The following PDZRN3 variants were observed in gnomAD, a reference collection of about 807,000 sequenced individuals.
PDZRN3 encodes E3 ubiquitin-protein ligase PDZRN3.
In PDZRN3, 38 loss-of-function variants were observed where a neutral mutation model predicts 85.7. The ratio of observed to expected loss-of-function variants is 0.44; its 90% confidence interval spans 0.34 to 0.58. PDZRN3 has a LOEUF of 0.58. PDZRN3 is among the 20% of genes least tolerant of loss of function. The pLI, the probability that PDZRN3 is intolerant of heterozygous loss-of-function variation, is 0.01. For synonymous variants in PDZRN3, 759 were observed against 638.0 expected, an observed-to-expected ratio of 1.19 and a Z score of -2.86; for missense variants, 1,629 against 1,506.4, an observed-to-expected ratio of 1.08 and a Z score of -1.35.
intron 3 of PDZRN3, among the ~76,000 whole-genome samples, chr3:73,599,322 T>A (rs1423555146): frequency 6.6e-6 from 1 of 152,224 alleles, no homozygotes; most frequent in African/African-American, 2.4e-5. Flanking sequence ...GAGGACATTA[T>A]GCTAACTGAA....
intron 3 of PDZRN3, among the ~76,000 whole-genome samples, chr3:73,450,359 T>G (rs1015140831): frequency 1.3e-5 from 2 of 152,182 alleles, no homozygotes; most frequent in African/African-American, 4.8e-5. Context: ...TATTTAAAAA[T>G]GGGTGACATT....
chr3:73,450,007 G>T (rs1418385335), intron 3 of PDZRN3, among the ~76,000 whole-genome samples: 2 of 152,206 alleles, frequency 1.3e-5, no homozygotes, highest in Non-Finnish European at 2.9e-5. Flanking sequence ...ACGATGATGA[G>T]AAGGGTCCTT....
chr3:73,475,446 C>A (rs1703429582), intron 3 of PDZRN3, among the ~76,000 whole-genome samples: 1 of 152,082 alleles, frequency 6.6e-6, no homozygotes, highest in African/African-American at 2.4e-5. Context: ...ATTTCAAATT[C>A]ACAGGGTTCC....
chr3:73,608,526 C>T, intron 2 of PDZRN3, 72 bp downstream of exon 2: 1 of 977,318 alleles, frequency 1.0e-6, no homozygotes, highest in Non-Finnish European at 1.6e-6. Flanking sequence ...TCCTCACTGT[C>T]CCCTTCAAAC....
chr3:73,476,724 C>T (rs372083528), intron 3 of PDZRN3, among the ~76,000 whole-genome samples: 57 of 152,114 alleles, frequency 3.7e-4, no homozygotes, highest in Admixed American at 1.3e-3. Context: ...CACAAGGATC[C>T]CTTTTGGAAA....
At chr3:73,519,651 A>T (rs1004990907) in intron 3 of PDZRN3, among the ~76,000 whole-genome samples, 3 of 152,218 alleles carry the variant, frequency 2.0e-5, no homozygotes, top group Admixed American at 1.3e-4. Context: ...GGAAGCCCTA[A>T]GTGAGTAAAG....
chr3:73,442,910 A>G (rs1702670318), intron 3 of PDZRN3, among the ~76,000 whole-genome samples: 1 of 152,078 alleles, frequency 6.6e-6, no homozygotes, highest in Non-Finnish European at 1.5e-5. Flanking sequence ...TGTTGTTTAT[A>G]AAGGACAATA....
intron 3 of PDZRN3, among the ~76,000 whole-genome samples, chr3:73,593,107 CAG>C (rs1435553130): frequency 2.1e-5 from 3 of 146,284 alleles, no homozygotes; most frequent in Non-Finnish European, 4.5e-5. Flanking sequence ...AAAAAAAAAA[CAG>C]ATAAGGTTAC....
At chr3:73,474,613 G>A (rs1703413157) in intron 3 of PDZRN3, 1 of 1,256,496 alleles carries the variant, frequency 8.0e-7, no homozygotes, top group African/African-American at 1.5e-5. Flanking sequence ...GGTTTATGTT[G>A]AGAGTACTGA....
chr3:73,463,905 GT>G (rs1703157315), intron 3 of PDZRN3, among the ~76,000 whole-genome samples: 1 of 152,014 alleles, frequency 6.6e-6, no homozygotes, highest in Non-Finnish European at 1.5e-5. Flanking sequence ...GTTTACCTAT[GT>G]AACAAACCTG....
At chr3:73,402,090 G>A (rs939481341) in intron 4 of PDZRN3, among the ~76,000 whole-genome samples, 1 of 152,154 alleles carries the variant, frequency 6.6e-6, no homozygotes, top group East Asian at 1.9e-4. Context: ...ATTCAGTCCC[G>A]ACACACGCTC....
intron 3 of PDZRN3, among the ~76,000 whole-genome samples, chr3:73,486,005 C>T (rs1285158359): frequency 2.0e-5 from 3 of 152,218 alleles, no homozygotes; most frequent in Non-Finnish European, 4.4e-5. Flanking sequence ...ATTAGCAATG[C>T]CCTTGCCAGC....
intron 3 of PDZRN3, among the ~76,000 whole-genome samples, chr3:73,429,393 C>T (rs1363897354): frequency 6.6e-6 from 1 of 152,130 alleles, no homozygotes; most frequent in African/African-American, 2.4e-5. Flanking sequence ...TCCAATTAAC[C>T]GTCATTAATT....
chr3:73,457,543 G>A (rs1246029516), intron 3 of PDZRN3, among the ~76,000 whole-genome samples: 1 of 152,082 alleles, frequency 6.6e-6, no homozygotes, highest in Non-Finnish European at 1.5e-5. Context: ...GCTGTTCCAT[G>A]TGCCCCCTGG....
intron 1 of PDZRN3, among the ~76,000 whole-genome samples, chr3:73,620,544 C>A (rs1465295294): frequency 6.6e-6 from 1 of 151,796 alleles, no homozygotes; most frequent in Non-Finnish European, 1.5e-5. Flanking sequence ...GCTATGATTA[C>A]CTGTCATTTA....
intron 3 of PDZRN3, among the ~76,000 whole-genome samples, chr3:73,593,629 G>A (rs1702392098): frequency 6.6e-6 from 1 of 151,884 alleles, no homozygotes; most frequent in Admixed American, 6.6e-5. Context: ...ATAAGCAGGT[G>A]TCCACTTTGT....
intron 3 of PDZRN3, among the ~76,000 whole-genome samples, chr3:73,487,466 T>C (rs1703684985): frequency 2.0e-5 from 3 of 152,188 alleles, no homozygotes; most frequent in Middle Eastern, 3.2e-3. Context: ...TGCTTTTCTA[T>C]GTTTTCCGAG....
chr3:73,517,742 T>A (rs999992845), intron 3 of PDZRN3, among the ~76,000 whole-genome samples: 1 of 152,356 alleles, frequency 6.6e-6, no homozygotes, highest in African/African-American at 2.4e-5. Context: ...TTCTGTAATG[T>A]ATAATACTTT....
At chr3:73,493,033 T>C (rs1279903658) in intron 3 of PDZRN3, among the ~76,000 whole-genome samples, 1 of 145,962 alleles carries the variant, frequency 6.9e-6, no homozygotes, top group East Asian at 2.0e-4. Flanking sequence ...GACTCTTCCC[T>C]TATGTGAAAT....
Sources: gnomAD v4.1 joint callset for allele counts (sites outside exome capture counted in the v4.1 genomes callset) on GRCh38, gnomAD v4.1.1 for gene constraint, MANE v1.5 for transcripts, NCBI Gene and HGNC (gene_info 2026-07-23, HGNC 2026-07-21) for gene names.